The following TCERG1 variants were observed in gnomAD, a reference collection of about 807,000 sequenced individuals.
The protein encoded by TCERG1 is transcription elongation regulator 1.
In TCERG1, 37 loss-of-function variants were observed where a neutral mutation model predicts 144.7. That is an observed-to-expected ratio of 0.26 (90% CI 0.20 to 0.34). The LOEUF (loss-of-function observed/expected upper bound fraction) is 0.34, where lower values mean the gene tolerates loss of function less well. Among genes scored for constraint, TCERG1 ranks in the 10% least tolerant of loss-of-function variants. TCERG1 has a pLI of 1.00. For missense variants in TCERG1, 1,027 were observed against 1,380.7 expected (o/e 0.74, Z 4.06); for synonymous variants, 492 against 458.2 (o/e 1.07, Z -0.94).
At chr5:146,464,229 A>G (rs1241100236) in intron 5 of TCERG1, among the ~76,000 whole-genome samples, 1 of 152,204 alleles carries the variant, frequency 6.6e-6, no homozygotes, top group Non-Finnish European at 1.5e-5. Flanking sequence ...ATGTTACGAG[A>G]TAGGTACACA....
At chr5:146,454,702 A>G (rs546835452) in intron 1 of TCERG1, among the ~76,000 whole-genome samples, 374 of 152,036 alleles carry the variant, frequency 2.5e-3, no homozygotes, top group African/African-American at 8.2e-3. Context: ...GGTTCAAGTG[A>G]TTCTCCTGCC....
chr5:146,457,180 C>A lies in TCERG1; in HGVS notation c.286-3C>A. On this transcript the variant is annotated splice_polypyrimidine_tract_variant and splice_region_variant and intron_variant, in intron 2 of 22. Transcript: ENST00000679501. ...GACCATTACTGTTTTTGTGAATTAA[C>A]AGAGACCACCTTTCATGCCTCCTCC... is the stretch of plus-strand genomic sequence containing the variant. 6.2e-7 allele frequency: 1 copy of A among 1,611,244 alleles called. No individual in the cohort carries two copies. Among genetic ancestry groups the A allele is most frequent in the Non-Finnish European group, 8.5e-7 (1 of 1,178,922 alleles).
chr5:146,495,254 T>TA (rs1766783678), intron 16 of TCERG1, among the ~76,000 whole-genome samples: 1 of 152,234 alleles, frequency 6.6e-6, no homozygotes, highest in African/African-American at 2.4e-5. Flanking sequence ...GTATTATACT[T>TA]ACTACGTGAG....
chr5:146,491,408 C>T (rs538565363), intron 15 of TCERG1, among the ~76,000 whole-genome samples: 1 of 152,042 alleles, frequency 6.6e-6, no homozygotes, highest in East Asian at 1.9e-4. Context: ...GAAGTGAGTG[C>T]TGCTGGGATC....
chr5:146,475,802 TC>T (rs1284622511), intron 9 of TCERG1, among the ~76,000 whole-genome samples: 3 of 152,206 alleles, frequency 2.0e-5, no homozygotes, highest in Non-Finnish European at 4.4e-5. Context: ...GAGAGATACT[TC>T]CCCTTATCAC....
chr5:146,462,053 GC>G (rs1452934134), intron 4 of TCERG1: 1 of 152,508 alleles, frequency 6.6e-6, no homozygotes, highest in Non-Finnish European at 1.5e-5. Flanking sequence ...TCATTCCTGG[GC>G]CCCTGAAGAT....
chr5:146,487,782 A>G (rs1445069096), intron 15 of TCERG1, among the ~76,000 whole-genome samples: 1 of 152,126 alleles, frequency 6.6e-6, no homozygotes, highest in Non-Finnish European at 1.5e-5. Context: ...AAAAAGACTT[A>G]AAATAGCCAA....
intron 6 of TCERG1, 129 bp downstream of exon 6, chr5:146,468,532 A>AG: frequency 1.3e-6 from 1 of 784,304 alleles, no homozygotes; most frequent in Non-Finnish European, 2.0e-6. Flanking sequence ...TTTAATGAGC[A>AG]GTATAAATGC....
At position 146,480,040 on chromosome 5, in the gene TCERG1, A is replaced by G. The variant is rs1253641462; in HGVS notation, c.1832A>G (p.Gln611Arg). 3.1e-6 allele frequency: 5 copies of G among 1,601,462 alleles called. No homozygotes were observed. Among genetic ancestry groups the G allele is most frequent in the South Asian group, 1.1e-5 (1 of 88,242 alleles). Residue 611 changes from glutamine to arginine, a missense_variant, in exon 12 of 23, where the codon CAA becomes CGA. Physicochemically the swap from Gln to Arg is conservative, Grantham distance 43. Coordinates refer to ENST00000679501, the MANE Select transcript of TCERG1 (RefSeq NM_001382548.1). Reference protein sequence around the residue: ...QFSMSAIKEEQELMEEINEDE... With the variant: ...QFSMSAIKEERELMEEINEDE... ...TTTTGTCTTATAGTTAAAGAGGAACAAGAATTAATGGAAGAAATTAATGAA... is the reference window on the plus strand; with the variant it reads ...TTTTGTCTTATAGTTAAAGAGGAACGAGAATTAATGGAAGAAATTAATGAA...
At chr5:146,477,791 G>T (rs903641085) in intron 9 of TCERG1, among the ~76,000 whole-genome samples, 1 of 144,196 alleles carries the variant, frequency 6.9e-6, no homozygotes, top group African/African-American at 2.6e-5. Flanking sequence ...TTGACCTCCC[G>T]GGCTCAGGTG....
chr5:146,469,117 C>T (rs1764056954), intron 6 of TCERG1, among the ~76,000 whole-genome samples: 1 of 151,980 alleles, frequency 6.6e-6, no homozygotes, highest in Non-Finnish European at 1.5e-5. Context: ...TATTCATACC[C>T]TTTTAGTTAC....
At chr5:146,491,103 G>A (rs1400972452) in intron 15 of TCERG1, among the ~76,000 whole-genome samples, 1 of 149,918 alleles carries the variant, frequency 6.7e-6, no homozygotes, top group Non-Finnish European at 1.5e-5. Context: ...TAGATGTCTT[G>A]TAGACCCTGA....
intron 16 of TCERG1, among the ~76,000 whole-genome samples, 200 bp downstream of exon 16, chr5:146,493,238 T>C (rs1452723993): frequency 6.6e-6 from 1 of 152,066 alleles, no homozygotes; most frequent in Non-Finnish European, 1.5e-5. Flanking sequence ...CTAAGAAGGG[T>C]ACCTTTGATT....
intron 15 of TCERG1, among the ~76,000 whole-genome samples, chr5:146,488,639 T>C (rs1766090267): frequency 6.6e-6 from 1 of 152,148 alleles, no homozygotes; most frequent in African/African-American, 2.4e-5. Flanking sequence ...TTTAAACTAG[T>C]ATATCCACTA....
At chr5:146,452,101 T>C (rs1021004686) in intron 1 of TCERG1, among the ~76,000 whole-genome samples, 3 of 152,136 alleles carry the variant, frequency 2.0e-5, no homozygotes, top group Non-Finnish European at 4.4e-5. Context: ...ATTGGTTCTT[T>C]ATTAGGATTT....
chr5:146,500,514 A>G (rs556227803), intron 17 of TCERG1, among the ~76,000 whole-genome samples: 3 of 152,208 alleles, frequency 2.0e-5, no homozygotes. Context: ...TGGTCTTTGT[A>G]GCATTGTGAT....
Position 146,479,878 on chromosome 5 carries a change from T to A in TCERG1, c.1786T>A (p.Ser596Thr). 1.9e-6 allele frequency: 3 copies of A among 1,613,582 alleles called. No homozygotes were observed. The highest frequency in any genetic ancestry group is 2.2e-5 in the South Asian group (2 of 91,044). Reference protein sequence around the residue: ...KLRHPTPTMLSIQKWQFSMSA... With the variant: ...KLRHPTPTMLTIQKWQFSMSA... ...AGGGCACCCAACTCCGACAATGCTG[T>A]CGATCCAAAAGTGGCAATTCTCTAT... is the stretch of plus-strand genomic sequence containing the variant. Residue 596 changes from serine to threonine, a missense_variant, in exon 11 of 23, where the codon TCG becomes ACG. Physicochemically the swap from Ser to Thr is moderately conservative, Grantham distance 58. Around this residue, in one of 6 missense-constraint regions of TCERG1, gnomAD observed 482 missense variants for 632.6 expected, o/e 0.76. Transcript: ENST00000679501.
chr5:146,479,672 G>A (rs1423516923), intron 10 of TCERG1, among the ~76,000 whole-genome samples, 183 bp from the exon 11 acceptor site: 1 of 152,104 alleles, frequency 6.6e-6, no homozygotes, highest in Non-Finnish European at 1.5e-5. Flanking sequence ...ATTTCAAAAT[G>A]AATTAAATTT....
chr5:146,454,404 T>A (rs2150204770), intron 1 of TCERG1, among the ~76,000 whole-genome samples: 1 of 152,202 alleles, frequency 6.6e-6, no homozygotes, highest in East Asian at 1.9e-4. Context: ...AATTTCCTTA[T>A]TACGTAGATT....
Sources: allele counts gnomAD v4.1 joint callset (sites outside exome capture counted in the v4.1 genomes callset), GRCh38; gene constraint gnomAD v4.1.1; regional missense constraint gnomAD v4.1.1; transcripts MANE v1.5; gene names NCBI Gene and HGNC (gene_info 2026-07-23, HGNC 2026-07-21).